Variants in SENP2 observed in about 807,000 individuals in gnomAD.
The protein encoded by SENP2 is SUMO specific peptidase 2.
Under a neutral mutation model 86.3 loss-of-function variants are expected in SENP2, and 16 were observed. That is an observed-to-expected ratio of 0.19 (90% CI 0.13 to 0.28). The LOEUF (loss-of-function observed/expected upper bound fraction) is 0.28, where lower values mean the gene tolerates loss of function less well. Among genes scored for constraint, SENP2 ranks in the 10% least tolerant of loss-of-function variants. The pLI is 1.00. For synonymous variants in SENP2, 222 were observed against 238.7 expected (o/e 0.93, Z 0.64); for missense variants, 552 against 703.0 (o/e 0.79, Z 2.43).
At chr3:185,627,212 G>A in intron 16 of SENP2, among the ~76,000 whole-genome samples, 1 of 151,818 alleles carries the variant, frequency 6.6e-6, no homozygotes, top group Admixed American at 6.6e-5. Flanking sequence ...CTAGTCTTTG[G>A]TGACACAATG....
At chr3:185,611,538 T>C (rs895169617) in intron 7 of SENP2, 113 bp from the exon 8 acceptor site, 2 of 615,772 alleles carry the variant, frequency 3.2e-6, no homozygotes, top group South Asian at 3.9e-5. Flanking sequence ...TAATTTGATA[T>C]AATAGTGTAA....
chr3:185,617,400 T>G, intron 11 of SENP2, 80 bp from the exon 12 acceptor site: 1 of 1,308,840 alleles, frequency 7.6e-7, no homozygotes, highest in Non-Finnish European at 1.0e-6. Flanking sequence ...ATGAAAAACT[T>G]TTTTCAGTCT....
Position 185,610,036 on chromosome 3 carries a change from G to A in SENP2, c.722+686G>A, listed in dbSNP as rs542555149. Among the ~76,000 whole-genome samples the A allele has an allele frequency of 2.0e-5, 3 of 152,182 alleles. 1 individual carries two copies. The East Asian group carries it at 5.8e-4, about 29-fold the overall frequency. ...CCTGTGAAAGGAGGACAAAAAATGT[G>A]TGAGCTCAGGATTGAGGTACACTAG... On this transcript the variant is annotated intron_variant, in intron 7 of 16. Transcript: ENST00000296257.
rs1254868081 is a variant in SENP2 at position 185,606,385 on chromosome 3, A to G, written c.505A>G (p.Lys169Glu). 1 of 1,613,566 alleles carries G rather than the reference A, an allele frequency of 6.2e-7. No homozygotes were observed. The highest frequency in any genetic ancestry group is 8.5e-7 in the Non-Finnish European group (1 of 1,179,898). Reference protein sequence around the residue: ...NRRPGGRRHSKGNPESSLMWK... With the variant: ...NRRPGGRRHSEGNPESSLMWK... ...AAGACCAGGTGGCCGTCGCCATAGC[A>G]AAGGTAATCCAGAGAGTTCTTTAAT... Residue 169 changes from lysine (K) to glutamate (E), a missense_variant, in exon 6 of 17, where the codon AAA becomes GAA. By Grantham distance (56) the Lys-to-Glu change is moderately conservative (BLOSUM62 1). Around this residue, in one of 2 missense-constraint regions of SENP2, gnomAD observed 383 missense variants for 427.3 expected, o/e 0.90. Coordinates refer to ENST00000296257, the MANE Select transcript of SENP2 (RefSeq NM_021627.3).
At chr3:185,610,585 T>G (rs538762925) in intron 7 of SENP2, among the ~76,000 whole-genome samples, 1 of 152,382 alleles carries the variant, frequency 6.6e-6, no homozygotes, top group East Asian at 1.9e-4. Context: ...ACCAGCCATA[T>G]GTTGGAAACA....
intron 15 of SENP2, among the ~76,000 whole-genome samples, chr3:185,624,989 A>T (rs925316075): frequency 6.6e-6 from 1 of 152,238 alleles, no homozygotes; most frequent in Non-Finnish European, 1.5e-5. Flanking sequence ...AATGGAATAA[A>T]GAAAACAAAC....
At chr3:185,591,609 C>T (rs1340050393) in intron 2 of SENP2, among the ~76,000 whole-genome samples, 1 of 152,190 alleles carries the variant, frequency 6.6e-6, no homozygotes, top group Non-Finnish European at 1.5e-5. Context: ...CCTCAGCCTC[C>T]CAAAGTGCTG....
intron 16 of SENP2, among the ~76,000 whole-genome samples, chr3:185,628,827 C>T (rs1415601818): frequency 1.3e-5 from 2 of 152,196 alleles, no homozygotes; most frequent in Non-Finnish European, 2.9e-5. Flanking sequence ...CTTCCGTATA[C>T]ACTAGAAGGA....
Position 185,626,425 on chromosome 3 carries a change from G to T in SENP2, c.1707+32G>T, listed in dbSNP as rs1350864992. 3 of 1,467,260 alleles carry T rather than the reference G, an allele frequency of 2.0e-6. No homozygotes were observed. The South Asian group carries it at 3.5e-5, about 17-fold the overall frequency. 90.9% of individuals were successfully genotyped at this position (1,467,260 alleles called of 1,614,324 possible). A position where few individuals can be genotyped will look rare whatever the true frequency, so the allele number is the denominator to read the frequency against. On this transcript the variant is annotated intron_variant, in intron 16 of 16. Transcript: ENST00000296257. ...GAAGACCCTCTTCATCCATTTACTT[G>T]TTACTAAGCAAGATAAGGCACTTGG... is the stretch of plus-strand genomic sequence containing the variant.
At chr3:185,598,382 T>G in intron 2 of SENP2, 30 bp from the exon 3 acceptor site, 1 of 1,605,806 alleles carries the variant, frequency 6.2e-7, no homozygotes, top group Non-Finnish European at 8.5e-7. Context: ...GTTTATTACT[T>G]TATATTTACA....
rs766556308 is a variant in SENP2 at position 185,632,224 on chromosome 3, G to GTTTTTTTTTTTTTGTTTTTTT, written c.*2392_*2393insTGTTTTTTTTTTTTTTTTTTT. Reference sequence around the variant, plus strand: ...CATTAAAGCCAGTGGTTTTTTTTTTGTTTTTTTTTTTTGTTTTTTTTTTTT... The same window carrying GTTTTTTTTTTTTTGTTTTTTT: ...CATTAAAGCCAGTGGTTTTTTTTTTGTTTTTTTTTTTTTGTTTTTTTTTTTTTTTTTTTGTTTTTTTTTTTT... On this transcript the variant is annotated 3_prime_UTR_variant, in exon 17 of 17. Coordinates refer to ENST00000296257, the MANE Select transcript of SENP2 (RefSeq NM_021627.3). 1.4e-5 allele frequency: 1 copy of GTTTTTTTTTTTTTGTTTTTTT among 71,902 alleles called. No individual in the cohort carries two copies. The highest frequency in any genetic ancestry group is 5.6e-5 in the African/African-American group (1 of 17,932). 4.5% of individuals were successfully genotyped at this position (71,902 alleles called of 1,614,324 possible).
At chr3:185,606,626 A>G in intron 6 of SENP2, 128 bp downstream of exon 6, 1 of 813,014 alleles carries the variant, frequency 1.2e-6, no homozygotes, top group Non-Finnish European at 1.9e-6. Flanking sequence ...TACAGCCTCC[A>G]ACAAAATGAG....
intron 2 of SENP2, 72 bp downstream of exon 2, chr3:185,590,241 A>T: frequency 1.3e-6 from 1 of 797,558 alleles, no homozygotes; most frequent in South Asian, 1.9e-5. Context: ...AAAATTCAAA[A>T]GGTAAAAAGT....
In SENP2 at chr3:185,632,224, G is replaced by GTTT. The variant is rs766556308; in HGVS notation, c.*2390_*2392dup. ...CATTAAAGCCAGTGGTTTTTTTTTTGTTTTTTTTTTTTGTTTTTTTTTTTT... is the reference window on the plus strand; with the variant it reads ...CATTAAAGCCAGTGGTTTTTTTTTTGTTTTTTTTTTTTTTTGTTTTTTTTTTTT... On this transcript the variant is annotated 3_prime_UTR_variant, in exon 17 of 17. Coordinates refer to ENST00000296257, the MANE Select transcript of SENP2 (RefSeq NM_021627.3). 3.1e-3 allele frequency: 220 copies of GTTT among 71,842 alleles called. 2 individuals carry two copies. The highest frequency in any genetic ancestry group is 3.8e-3 in the African/African-American group (69 of 17,956). The allele number at this position is 71,842 out of a possible 1,614,324, so 4.5% of individuals were successfully genotyped here.
At chr3:185,601,639 C>CTTTT (rs4012716) in intron 5 of SENP2, among the ~76,000 whole-genome samples, 3 of 116,768 alleles carry the variant, frequency 2.6e-5, no homozygotes, top group Non-Finnish European at 3.5e-5. Flanking sequence ...GTTGTTCTTG[C>CTTTT]TTTTTTTTTT....
intron 4 of SENP2, among the ~76,000 whole-genome samples, chr3:185,600,048 C>T (rs1029752833): frequency 1.2e-4 from 19 of 152,168 alleles, no homozygotes; most frequent in African/African-American, 3.9e-4. Flanking sequence ...CCGCCCACCT[C>T]GGCCTCCCAA....
At chr3:185,598,307 A>G (rs1722240356) in intron 2 of SENP2, 105 bp from the exon 3 acceptor site, 26 of 1,256,164 alleles carry the variant, frequency 2.1e-5, no homozygotes, top group Non-Finnish European at 2.9e-5. Context: ...CACCCAGCAA[A>G]TAGAACTTTT....
Position 185,619,423 on chromosome 3 carries a change from G to A in SENP2, c.1367G>A (p.Arg456Gln), listed in dbSNP as rs767661653. The A allele has an allele frequency of 3.3e-5, 53 of 1,613,960 alleles. No homozygotes were observed. The highest frequency in any genetic ancestry group is 4.2e-5 in the Non-Finnish European group (49 of 1,180,014). Residue 456 changes from arginine to glutamine, a missense_variant, in exon 13 of 17, where the codon CGA becomes CAA. Arg to Gln is a conservative substitution (Grantham distance 43, BLOSUM62 1). Around this residue, in one of 2 missense-constraint regions of SENP2, gnomAD observed 169 missense variants for 275.7 expected, o/e 0.61. Transcript: ENST00000296257. ...LKSGGYQAVK[R>Q]WTKGVNLFEQ... is the part of the protein sequence containing the mutation. ...TCTGGGGGTTACCAAGCAGTGAAAC[G>A]ATGGACCAAAGGGGTAAATCTCTTT...
chr3:185,623,826 C>CAAAAAAAAAAAAAAAAAAAA lies in SENP2; in HGVS notation c.1527-167_1527-148dup, dbSNP rs63707460. Among the ~76,000 whole-genome samples the CAAAAAAAAAAAAAAAAAAAA allele has an allele frequency of 1.7e-4, 8 of 47,782 alleles. No individual in the cohort carries two copies. In the East Asian group the frequency reaches 2.7e-3, roughly 16 times the overall value. The allele number at this position is 47,782 out of a possible 152,430, so 31.3% of individuals were successfully genotyped here. ...TGGGCGACAGAGCGAGACTCTGTCT[C>CAAAAAAAAAAAAAAAAAAAA]AAAAAAAAAAAAAAAAAAAAAAAAT... On this transcript the variant is annotated intron_variant, in intron 14 of 16. Transcript: ENST00000296257.
Sources: gnomAD v4.1 joint callset for allele counts (sites outside exome capture counted in the v4.1 genomes callset) on GRCh38, gnomAD v4.1.1 for gene constraint, gnomAD v4.1.1 regional missense constraint, MANE v1.5 for transcripts, NCBI Gene and HGNC (gene_info 2026-07-23, HGNC 2026-07-21) for gene names.